HHIP: variants seen among roughly 807,000 people sequenced by gnomAD.
HHIP encodes hedgehog-interacting protein.
A neutral mutation model predicts 74.0 loss-of-function variants in HHIP; 12 were observed. That is an observed-to-expected ratio of 0.16 (90% confidence interval 0.10 to 0.26). The LOEUF (loss-of-function observed/expected upper bound fraction) is 0.26. HHIP is among the 10% of genes least tolerant of loss of function. The pLI, the probability that HHIP is intolerant of heterozygous loss-of-function variation, is 1.00. For synonymous variants in HHIP, 309 were observed against 311.6 expected (o/e 0.99, Z 0.09); for missense variants, 788 against 845.0 (o/e 0.93, Z 0.84).
At chr4:144,653,908 T>C (rs1442045107) in intron 2 of HHIP, among the ~76,000 whole-genome samples, 11 of 152,130 alleles carry the variant, frequency 7.2e-5, no homozygotes, top group Admixed American at 7.2e-4. Flanking sequence ...TTTCTAAGCC[T>C]TTTCTCAAGC....
At chr4:144,722,895 T>C (rs1230930328) in intron 11 of HHIP, among the ~76,000 whole-genome samples, 1 of 152,116 alleles carries the variant, frequency 6.6e-6, no homozygotes, top group African/African-American at 2.4e-5. Flanking sequence ...TTTCAAATTA[T>C]ACCTTGGATG....
intron 11 of HHIP, among the ~76,000 whole-genome samples, chr4:144,730,429 T>A (rs558803633): frequency 6.6e-6 from 1 of 152,326 alleles, no homozygotes; most frequent in East Asian, 1.9e-4. Context: ...TATTCTTTTT[T>A]ACAAGCCTAA....
chr4:144,705,854 C>T (rs1260008392), intron 4 of HHIP, among the ~76,000 whole-genome samples: 1 of 152,166 alleles, frequency 6.6e-6, no homozygotes, highest in African/African-American at 2.4e-5. Context: ...CACTCCTTCC[C>T]CAGCCGTGGC....
In HHIP at chr4:144,718,797, T is replaced by G. The variant is rs545891462; in HGVS notation, c.1679-78T>G. 7.2e-6 allele frequency: 6 copies of G among 833,920 alleles called. 1 individual carries two copies. The South Asian group carries it at 8.3e-5, about 12-fold the overall frequency. The allele number at this position is 833,920 out of a possible 1,614,324, so 51.7% of individuals were successfully genotyped here. A position where few individuals can be genotyped will look rare whatever the true frequency, so the allele number is the denominator to read the frequency against. On this transcript the variant is annotated intron_variant, in intron 10 of 12. Coordinates refer to ENST00000296575, the MANE Select transcript of HHIP (RefSeq NM_022475.3). ...GGATAGATGGAGATAGATTGACATA[T>G]AGAATAACTGCCAGGCAATAGGAAG...
intron 4 of HHIP, among the ~76,000 whole-genome samples, chr4:144,664,590 T>C (rs188852316): frequency 3.0e-4 from 46 of 152,302 alleles, no homozygotes; most frequent in Admixed American, 5.9e-4. Flanking sequence ...AATTTATTTT[T>C]CAAAAGTAGT....
At chr4:144,681,222 A>G (rs1173384558) in intron 4 of HHIP, among the ~76,000 whole-genome samples, 1 of 152,162 alleles carries the variant, frequency 6.6e-6, no homozygotes, top group East Asian at 1.9e-4. Context: ...TCAGGTGTAT[A>G]TTAAGTCAAT....
At chr4:144,669,022 T>C (rs569041553) in intron 4 of HHIP, among the ~76,000 whole-genome samples, 56 of 150,290 alleles carry the variant, frequency 3.7e-4, no homozygotes, top group Middle Eastern at 7.1e-3. Context: ...TTTTATATAA[T>C]ATATAATATT....
chr4:144,670,453 G>A (rs1239858173), intron 4 of HHIP, among the ~76,000 whole-genome samples: 2 of 81,626 alleles, frequency 2.5e-5, no homozygotes, highest in Admixed American at 1.4e-4. Context: ...TGAAGAGACT[G>A]TCAAAAAAAA....
At chr4:144,714,166 C>A in intron 8 of HHIP, 59 bp from the exon 9 acceptor site, 1 of 1,451,410 alleles carries the variant, frequency 6.9e-7, no homozygotes, top group South Asian at 1.2e-5. Context: ...GTTTGGTGTA[C>A]ATTCCTTTTA....
At position 144,646,450 on chromosome 4, in the gene HHIP, T is replaced by C; in HGVS notation, c.-226T>C. On this transcript the variant is annotated 5_prime_UTR_variant, in exon 1 of 13. Transcript: ENST00000296575. ...GCAAACGGTGTCATCCGCACAACTT[T>C]ATCTCGCTCCTCGGGCTCCCCTAAG... The C allele has an allele frequency of 2.0e-6, 1 of 495,808 alleles. No homozygotes were observed. The highest frequency in any genetic ancestry group is 3.4e-5 in the Admixed American group (1 of 29,116). The allele number at this position is 495,808 out of a possible 1,614,324, so 30.7% of individuals were successfully genotyped here.
chr4:144,722,533 A>T (rs1468500753), intron 11 of HHIP, among the ~76,000 whole-genome samples: 4 of 152,168 alleles, frequency 2.6e-5, no homozygotes, highest in Non-Finnish European at 5.9e-5. Flanking sequence ...CAAAATTGGA[A>T]TAAAGACATC....
chr4:144,646,897 T>C lies in HHIP; in HGVS notation c.222T>C (p.Pro74=). 1 of 1,614,036 alleles carries C rather than the reference T, an allele frequency of 6.2e-7. No individual in the cohort carries two copies. Among genetic ancestry groups the C allele is most frequent in the African/African-American group, 1.3e-5 (1 of 75,042 alleles). The change falls in exon 1 of 13, where the codon CCT becomes CCC. Residue 74 remains proline (P), a synonymous_variant. Coordinates refer to ENST00000296575, the MANE Select transcript of HHIP (RefSeq NM_022475.3). The stretch of plus-strand genomic sequence containing the variant: ...AGATGCTGTGCGGTGGCTTCTACCC[T>C]CGGCTGTCCTGCTGCCTGCGGAGTG... The part of the protein sequence containing the change: ...GGEMLCGGFY[P]RLSCCLRSDS...
rs1174297815 is a variant in HHIP at position 144,684,232 on chromosome 4, ATTTTTTTTTTTTTTTTTTTTTTTT to A, written c.832-22278_832-22255del. ...ATGAAAAATACAAAAAAAAAAAAGA[ATTTTTTTTTTTTTTTTTTTTTTTT>A]TTTTTTTTTTTTTTTTTTTTGAGAC... On this transcript the variant is annotated intron_variant, in intron 4 of 12. Coordinates refer to ENST00000296575, the MANE Select transcript of HHIP (RefSeq NM_022475.3). Among the ~76,000 whole-genome samples, 55 of 63,002 alleles carry A rather than the reference ATTTTTTTTTTTTTTTTTTTTTTTT, an allele frequency of 8.7e-4. 1 individual carries two copies. Among genetic ancestry groups the A allele is most frequent in the African/African-American group, 3.1e-3 (50 of 16,098 alleles). 41.3% of individuals were successfully genotyped at this position (63,002 alleles called of 152,430 possible).
At chr4:144,672,393 A>G (rs1485208170) in intron 4 of HHIP, among the ~76,000 whole-genome samples, 2 of 152,234 alleles carry the variant, frequency 1.3e-5, no homozygotes, top group Admixed American at 6.5e-5. Context: ...ACAGGGAAAC[A>G]GGGAAGCAAA....
At chr4:144,734,210 A>G (rs953096004) in intron 11 of HHIP, among the ~76,000 whole-genome samples, 7 of 151,844 alleles carry the variant, frequency 4.6e-5, no homozygotes, top group African/African-American at 1.7e-4. Flanking sequence ...CTCAAAAGAA[A>G]TATAAAATTA....
At chr4:144,684,337 C>A (rs1033482748) in intron 4 of HHIP, among the ~76,000 whole-genome samples, 4 of 125,280 alleles carry the variant, frequency 3.2e-5, no homozygotes, top group African/African-American at 1.2e-4. Context: ...CGGCTCACTG[C>A]AAGCTCTGCC....
Position 144,707,256 on chromosome 4 carries a change from T to C in HHIP, c.1153T>C (p.Leu385=). The stretch of plus-strand genomic sequence containing the variant: ...GGATGATATGGAAGAAATGGATGGG[T>C]TAAGGTAAAAGGCTGATCACAGATG... ...TLDDMEEMDG[L]SDFTGSVLRL... is the part of the protein sequence containing the mutation. The change falls in exon 6 of 13, where the codon TTA becomes CTA. Residue 385 remains leucine (L), a synonymous_variant. Transcript: ENST00000296575. 6.2e-7 allele frequency: 1 copy of C among 1,605,896 alleles called. No individual in the cohort carries two copies. Among genetic ancestry groups the C allele is most frequent in the Non-Finnish European group, 8.5e-7 (1 of 1,176,328 alleles).
intron 1 of HHIP, among the ~76,000 whole-genome samples, chr4:144,650,189 T>C (rs147263202): frequency 2.0e-5 from 3 of 152,260 alleles, no homozygotes; most frequent in Admixed American, 6.5e-5. Flanking sequence ...TAAGCTATAG[T>C]TGGAGGCCAC....
chr4:144,684,232 ATTTTTTTTT>A (rs1174297815), intron 4 of HHIP, among the ~76,000 whole-genome samples: 3 of 62,926 alleles, frequency 4.8e-5, no homozygotes, highest in African/African-American at 1.2e-4. Flanking sequence ...AAAAAAAAGA[ATTTTTTTTT>A]TTTTTTTTTT....
Sources: gnomAD v4.1 joint callset for allele counts (sites outside exome capture counted in the v4.1 genomes callset) on GRCh38, gnomAD v4.1.1 for gene constraint, MANE v1.5 for transcripts, NCBI Gene and HGNC (gene_info 2026-07-23, HGNC 2026-07-21) for gene names.